The following ATF2 variants were observed in gnomAD, a reference collection of about 807,000 sequenced individuals.
The protein encoded by ATF2 is activating transcription factor 2.
In ATF2, 24 loss-of-function variants were observed where a neutral mutation model predicts 60.6. The observed-to-expected ratio is 0.40, with a 90% CI of 0.29 to 0.56. The LOEUF (loss-of-function observed/expected upper bound fraction) is 0.56. Ranked by LOEUF, ATF2 falls within the 20% of genes least tolerant of loss-of-function variation. ATF2 has a pLI of 0.54. For missense variants in ATF2, 433 were observed against 607.7 expected (o/e 0.71, Z 3.02); for synonymous variants, 206 against 215.4 (o/e 0.96, Z 0.38).
chr2:175,111,662 T>C lies in ATF2; in HGVS notation c.742-8A>G, dbSNP rs373015576. On this transcript the variant is annotated splice_polypyrimidine_tract_variant and splice_region_variant and intron_variant, in intron 9 of 13. Transcript: ENST00000264110. ...GGTGACTGGTCGAACGAGCTATGCATGACATAAGGAAAAATAATTGCTAGA... is the reference window on the plus strand; with the variant it reads ...GGTGACTGGTCGAACGAGCTATGCACGACATAAGGAAAAATAATTGCTAGA... 1.7e-5 allele frequency: 27 copies of C among 1,609,058 alleles called. No homozygotes were observed. The African/African-American group carries it at 2.8e-4, about 17-fold the overall frequency.
chr2:175,156,208 T>A (rs753917012), intron 1 of ATF2, among the ~76,000 whole-genome samples: 1 of 151,472 alleles, frequency 6.6e-6, no homozygotes, highest in Admixed American at 6.6e-5. Flanking sequence ...CCATCTCTAC[T>A]AAAAATACAA....
chr2:175,128,275 C>G (rs985984119), intron 4 of ATF2, among the ~76,000 whole-genome samples: 3 of 152,104 alleles, frequency 2.0e-5, no homozygotes, highest in African/African-American at 7.2e-5. Context: ...CCGAGGCAGG[C>G]GGATCACCTG....
At chr2:175,113,734 T>A (rs556017551) in intron 9 of ATF2, among the ~76,000 whole-genome samples, 9 of 151,878 alleles carry the variant, frequency 5.9e-5, no homozygotes, top group Non-Finnish European at 1.2e-4. Context: ...AATATTTGAA[T>A]GCTACAAGTC....
intron 11 of ATF2, among the ~76,000 whole-genome samples, chr2:175,095,062 C>A (rs1694835088): frequency 6.6e-6 from 1 of 151,774 alleles, no homozygotes; most frequent in Non-Finnish European, 1.5e-5. Context: ...TCAAGATTTG[C>A]AATCTTGAAA....
intron 3 of ATF2, among the ~76,000 whole-genome samples, chr2:175,135,079 C>G (rs1698047446): frequency 7.7e-6 from 1 of 130,006 alleles, no homozygotes; most frequent in Non-Finnish European, 1.7e-5. Context: ...ACTAAAAATA[C>G]AAAAAATTAA....
chr2:175,108,321 TG>T (rs537531915), intron 10 of ATF2, among the ~76,000 whole-genome samples: 1 of 144,874 alleles, frequency 6.9e-6, no homozygotes, highest in African/African-American at 2.6e-5. Context: ...GGGAGGGAGG[TG>T]GGGGGTCAAC....
At chr2:175,083,412 A>G (rs1693909064) in intron 12 of ATF2, among the ~76,000 whole-genome samples, 1 of 152,236 alleles carries the variant, frequency 6.6e-6, no homozygotes, top group Non-Finnish European at 1.5e-5. Context: ...TTCCCTATTT[A>G]ATAAATGGTG....
chr2:175,144,201 T>C (rs778661744), intron 2 of ATF2, among the ~76,000 whole-genome samples: 6 of 152,204 alleles, frequency 3.9e-5, no homozygotes, highest in Non-Finnish European at 7.3e-5. Context: ...ACCTCGTCGT[T>C]AGGTTCCTAA....
chr2:175,141,945 A>T (rs1381459025), intron 2 of ATF2, among the ~76,000 whole-genome samples: 3 of 152,198 alleles, frequency 2.0e-5, no homozygotes, highest in Admixed American at 2.0e-4. Flanking sequence ...CTGGGGTAAA[A>T]GAGCACTAAC....
chr2:175,105,436 T>C (rs143581925), intron 10 of ATF2, among the ~76,000 whole-genome samples: 2,655 of 152,214 alleles, frequency 0.017, 55 homozygotes, highest in Admixed American at 0.052. Context: ...AACATTCTTT[T>C]TTGACTCTCC....
chr2:175,123,688 A>G (rs1697123735), intron 4 of ATF2, among the ~76,000 whole-genome samples: 1 of 152,066 alleles, frequency 6.6e-6, no homozygotes, highest in Admixed American at 6.6e-5. Context: ...ATGAATATTA[A>G]AAGGGAGAAT....
At chr2:175,139,060 A>G (rs1698322851) in intron 2 of ATF2, among the ~76,000 whole-genome samples, 1 of 152,214 alleles carries the variant, frequency 6.6e-6, no homozygotes, top group African/African-American at 2.4e-5. Context: ...AGCATTTTAA[A>G]ATAGTATATG....
chr2:175,076,828 G>A (rs971287926), intron 13 of ATF2, among the ~76,000 whole-genome samples: 2 of 150,380 alleles, frequency 1.3e-5, no homozygotes, highest in Non-Finnish European at 3.0e-5. Flanking sequence ...TTAAGTTTTA[G>A]GGTACATGTG....
At chr2:175,122,062 A>G (rs926461988) in intron 4 of ATF2, among the ~76,000 whole-genome samples, 1 of 151,970 alleles carries the variant, frequency 6.6e-6, no homozygotes, top group Non-Finnish European at 1.5e-5. Context: ...CTTTGTTTTA[A>G]TCCAGCAAAG....
chr2:175,109,994 T>C lies in ATF2; in HGVS notation c.828+1574A>G, dbSNP rs552890639. On this transcript the variant is annotated intron_variant, in intron 10 of 13. Transcript: ENST00000264110. ...TAAGTTTTATTGCTAAAACAGGGTGTCCTGTGCAAATTTCTGACTGATTGT... is the reference window on the plus strand; with the variant it reads ...TAAGTTTTATTGCTAAAACAGGGTGCCCTGTGCAAATTTCTGACTGATTGT... Among the ~76,000 whole-genome samples, 20 of 152,356 alleles carry C rather than the reference T, an allele frequency of 1.3e-4. No individual in the cohort carries two copies. In the South Asian group the frequency reaches 1.4e-3, roughly 11 times the overall value.
chr2:175,116,024 C>A (rs1359292250), intron 7 of ATF2, among the ~76,000 whole-genome samples: 6 of 152,018 alleles, frequency 3.9e-5, no homozygotes, highest in Non-Finnish European at 5.9e-5. Flanking sequence ...ATTTGATGAA[C>A]ACAATAGAGA....
At position 175,142,449 on chromosome 2, in the gene ATF2, G is replaced by A. The variant is rs148111501; in HGVS notation, c.-43-5963C>T. On this transcript the variant is annotated intron_variant, in intron 2 of 13. Coordinates refer to ENST00000264110, the MANE Select transcript of ATF2 (RefSeq NM_001880.4). ...CCCAAAGTGCTGGGATTACAGGCCTGAGCCATTGTGCCTGGCCCTCTTTCC... is the reference window on the plus strand; with the variant it reads ...CCCAAAGTGCTGGGATTACAGGCCTAAGCCATTGTGCCTGGCCCTCTTTCC... 1.1e-4 allele frequency among the ~76,000 whole-genome samples: 16 copies of A among 152,146 alleles called. 3 individuals are homozygous for A. Among genetic ancestry groups the A allele is most frequent in the African/African-American group, 3.9e-4 (16 of 41,516 alleles).
chr2:175,099,616 G>C (rs1462037761), intron 10 of ATF2, among the ~76,000 whole-genome samples: 1 of 152,138 alleles, frequency 6.6e-6, no homozygotes, highest in Non-Finnish European at 1.5e-5. Context: ...ATAGCCTTTT[G>C]AATCTGGCTT....
In ATF2 at chr2:175,080,819, A is replaced by G; in HGVS notation, c.1186-54T>C. 3 of 1,397,530 alleles carry G rather than the reference A, an allele frequency of 2.1e-6. No homozygotes were observed. In the South Asian group the frequency reaches 3.7e-5, roughly 17 times the overall value. The allele number at this position is 1,397,530 out of a possible 1,614,324, so 86.6% of individuals were successfully genotyped here. A position where few individuals can be genotyped will look rare whatever the true frequency, so the allele number is the denominator to read the frequency against. On this transcript the variant is annotated intron_variant, in intron 12 of 13. Coordinates refer to ENST00000264110, the MANE Select transcript of ATF2 (RefSeq NM_001880.4). Reference sequence around the variant, plus strand: ...CCACAGACTAAACATATTTTTTACTATTTAAAACAAGCAAGGATTAAAGTA... The same window carrying G: ...CCACAGACTAAACATATTTTTTACTGTTTAAAACAAGCAAGGATTAAAGTA...
Sources: allele counts gnomAD v4.1 joint callset (sites outside exome capture counted in the v4.1 genomes callset), GRCh38; gene constraint gnomAD v4.1.1; transcripts MANE v1.5; gene names NCBI Gene and HGNC (gene_info 2026-07-23, HGNC 2026-07-21).